The following MYCBP2 variants were observed in gnomAD, a reference collection of about 807,000 sequenced individuals.
MYCBP2 encodes E3 ubiquitin-protein ligase MYCBP2.
A neutral mutation model predicts 525.3 loss-of-function variants in MYCBP2; 120 were observed. The ratio of observed to expected loss-of-function variants is 0.23; its 90% CI spans 0.20 to 0.27. The LOEUF (loss-of-function observed/expected upper bound fraction) is 0.27, where lower values mean the gene tolerates loss of function less well. Among genes scored for constraint, MYCBP2 ranks in the 10% least tolerant of loss-of-function variants. The probability of loss-of-function intolerance (pLI) is 1.00; values close to 1 mark genes in which losing one functional copy is unlikely to be tolerated. For synonymous variants in MYCBP2, 1,894 were observed against 1,955.8 expected (o/e 0.97, Z 0.83); for missense variants, 4,149 against 5,657.1 (o/e 0.73, Z 8.55).
intron 26 of MYCBP2, among the ~76,000 whole-genome samples, chr13:77,195,575 C>A (rs756933376): frequency 2.0e-4 from 29 of 147,502 alleles, no homozygotes; most frequent in Non-Finnish European, 3.2e-4. Context: ...CCAGTGTGGG[C>A]TACCAAAGAG....
At chr13:77,166,976 TACACACACACACACACAC>T (rs539593054) in intron 40 of MYCBP2, among the ~76,000 whole-genome samples, 30 of 127,142 alleles carry the variant, frequency 2.4e-4, no homozygotes, top group Non-Finnish European at 3.6e-4. Flanking sequence ...AACACACACA[TACACACACACACACACAC>T]ACACACACAC....
At chr13:77,266,036 C>A (rs909975772) in intron 8 of MYCBP2, among the ~76,000 whole-genome samples, 1 of 152,084 alleles carries the variant, frequency 6.6e-6, no homozygotes, top group Admixed American at 6.5e-5. Flanking sequence ...AACAAAGCAA[C>A]GAGATTTAAA....
chr13:77,085,414 T>C (rs1366552829), intron 62 of MYCBP2, among the ~76,000 whole-genome samples: 1 of 152,222 alleles, frequency 6.6e-6, no homozygotes, highest in African/African-American at 2.4e-5. Flanking sequence ...AACAACTATA[T>C]GCAATGTTTT....
chr13:77,258,125 C>T (rs1237295952), intron 13 of MYCBP2, among the ~76,000 whole-genome samples: 1 of 152,172 alleles, frequency 6.6e-6, no homozygotes, highest in Non-Finnish European at 1.5e-5. Flanking sequence ...CTCCACAGTA[C>T]TTTCAAACTT....
chr13:77,156,207 C>T lies in MYCBP2; in HGVS notation c.6771-5G>A, dbSNP rs762324999. ...TATGAATCTGGCTGAAGCCACCTAACAGTAATGAAAAACAAATAAACAAAA... is the reference window on the plus strand; with the variant it reads ...TATGAATCTGGCTGAAGCCACCTAATAGTAATGAAAAACAAATAAACAAAA... On this transcript the variant is annotated splice_region_variant and splice_polypyrimidine_tract_variant and intron_variant, in intron 45 of 82. Transcript: ENST00000544440. The T allele has an allele frequency of 2.3e-5, 37 of 1,609,006 alleles. No homozygotes were observed. Among genetic ancestry groups the T allele is most frequent in the Middle Eastern group, 1.7e-4 (1 of 6,040 alleles).
At position 77,062,579 on chromosome 13, in the gene MYCBP2, C is replaced by T. The variant is rs763630549; in HGVS notation, c.12774+17G>A. The T allele has an allele frequency of 3.7e-6, 6 of 1,603,786 alleles. No individual in the cohort carries two copies. The African/African-American group carries it at 6.7e-5, about 18-fold the overall frequency. On this transcript the variant is annotated intron_variant, in intron 74 of 82. Coordinates refer to ENST00000544440, the MANE Select transcript of MYCBP2 (RefSeq NM_015057.5). ...TAAAGGAAAGCAAGATAAATTCTTA[C>T]AAAATTCTGATCTTACCATTTGTTT...
At chr13:77,245,921 A>T (rs1178959590) in intron 15 of MYCBP2, among the ~76,000 whole-genome samples, 1 of 151,764 alleles carries the variant, frequency 6.6e-6, no homozygotes, top group African/African-American at 2.4e-5. Flanking sequence ...TCTTCTTTAC[A>T]TGCCTTCACC....
At chr13:77,286,735 A>C (rs549355772) in intron 3 of MYCBP2, among the ~76,000 whole-genome samples, 1 of 95,122 alleles carries the variant, frequency 1.1e-5, no homozygotes, top group Non-Finnish European at 1.9e-5. Context: ...CAGCCTGGGC[A>C]ACAGAGCTAG....
At chr13:77,047,623 A>T (rs990597088) in intron 82 of MYCBP2, among the ~76,000 whole-genome samples, 1 of 152,206 alleles carries the variant, frequency 6.6e-6, no homozygotes, top group African/African-American at 2.4e-5. Flanking sequence ...AGCTGCAGGC[A>T]CCGATGAGGG....
intron 43 of MYCBP2, among the ~76,000 whole-genome samples, chr13:77,162,818 G>A (rs745641500): frequency 3.3e-5 from 5 of 151,970 alleles, no homozygotes; most frequent in Non-Finnish European, 1.5e-5. Flanking sequence ...CACCATGCCC[G>A]GCTAATTTTT....
In MYCBP2 at chr13:77,087,034, T is replaced by C. The variant is rs572016130; in HGVS notation, c.10875+450A>G. 1.8e-3 allele frequency among the ~76,000 whole-genome samples: 267 copies of C among 152,284 alleles called. 2 individuals carry two copies. Among genetic ancestry groups the C allele is most frequent in the African/African-American group, 6.3e-3 (261 of 41,578 alleles). ...ACCATTGTTGAGGGTCTATTTCTACTGTCTATTGTTTTTGTTAGTTCTTGC... is the reference window on the plus strand; with the variant it reads ...ACCATTGTTGAGGGTCTATTTCTACCGTCTATTGTTTTTGTTAGTTCTTGC... On this transcript the variant is annotated intron_variant, in intron 62 of 82. Transcript: ENST00000544440.
rs764308646 is a variant in MYCBP2, at chr13:77,206,844, A to T, written c.3417-19T>A. The T allele has an allele frequency of 3.2e-6, 5 of 1,563,492 alleles. No individual in the cohort carries two copies. In the East Asian group the frequency reaches 1.1e-4, roughly 35 times the overall value. On this transcript the variant is annotated intron_variant, in intron 23 of 82. Transcript: ENST00000544440. Reference sequence around the variant, plus strand: ...TCGAAACCTTTAAAGAAAAAGAATAATTACAGCACCTCAATGTGGTTTTGT... The same window carrying T: ...TCGAAACCTTTAAAGAAAAAGAATATTTACAGCACCTCAATGTGGTTTTGT...
intron 82 of MYCBP2, among the ~76,000 whole-genome samples, chr13:77,050,378 C>T (rs946330011): frequency 2.3e-4 from 35 of 152,226 alleles, no homozygotes; most frequent in African/African-American, 8.2e-4. Context: ...TATGGTTGCA[C>T]GGACCTCTCC....
chr13:77,068,535 C>T, intron 70 of MYCBP2, 30 bp downstream of exon 70: 1 of 1,594,538 alleles, frequency 6.3e-7, no homozygotes, highest in Non-Finnish European at 8.6e-7. Context: ...GTAACAAAAG[C>T]AATGGAAAGG....
chr13:77,233,062 G>T, intron 18 of MYCBP2, 94 bp downstream of exon 18: 1 of 1,032,290 alleles, frequency 9.7e-7, no homozygotes, highest in Non-Finnish European at 1.5e-6. Flanking sequence ...CAAAGTAGAA[G>T]AATCAGGTTT....
chr13:77,308,118 T>C lies in MYCBP2; in HGVS notation c.303-11444A>G, dbSNP rs745469292. Among the ~76,000 whole-genome samples, 67 of 152,222 alleles carry C rather than the reference T, an allele frequency of 4.4e-4. 2 individuals carry two copies. Among genetic ancestry groups the C allele is most frequent in the Non-Finnish European group, 1.0e-4 (7 of 68,030 alleles). On this transcript the variant is annotated intron_variant, in intron 1 of 82. Transcript: ENST00000544440. Reference sequence around the variant, plus strand: ...CTGGTCTAGAGCCAGTTAAGTTCTCTATCAAGGTACATCTACCATAAAAAT... The same window carrying C: ...CTGGTCTAGAGCCAGTTAAGTTCTCCATCAAGGTACATCTACCATAAAAAT...
At chr13:77,324,476 T>A (rs2082061874) in intron 1 of MYCBP2, among the ~76,000 whole-genome samples, 1 of 152,248 alleles carries the variant, frequency 6.6e-6, no homozygotes, top group South Asian at 2.1e-4. Flanking sequence ...AAATGTGATT[T>A]AATTCTTAAT....
chr13:77,209,266 C>A (rs2063701565), intron 23 of MYCBP2, among the ~76,000 whole-genome samples: 1 of 152,150 alleles, frequency 6.6e-6, no homozygotes, highest in Non-Finnish European at 1.5e-5. Flanking sequence ...CTGTTAAGAC[C>A]CCACGGAAAT....
intron 4 of MYCBP2, among the ~76,000 whole-genome samples, chr13:77,276,392 G>A (rs1370813120): frequency 6.6e-6 from 1 of 152,040 alleles, no homozygotes; most frequent in Middle Eastern, 3.4e-3. Context: ...TTAAAAAAAG[G>A]AGGAGAGGCA....
Sources: gnomAD v4.1 joint callset for allele counts (sites outside exome capture counted in the v4.1 genomes callset) on GRCh38, gnomAD v4.1.1 for gene constraint, MANE v1.5 for transcripts, NCBI Gene and HGNC (gene_info 2026-07-23, HGNC 2026-07-21) for gene names.